Variants in DSCAM observed in about 807,000 individuals in gnomAD.
DSCAM encodes cell adhesion molecule DSCAM.
Under a neutral mutation model 217.7 loss-of-function variants are expected in DSCAM, and 47 were observed. That is an observed-to-expected ratio of 0.22 (90% CI 0.17 to 0.28). DSCAM has a LOEUF of 0.28. Among genes scored for constraint, DSCAM ranks in the 10% least tolerant of loss-of-function variants. DSCAM has a pLI of 1.00. For synonymous variants in DSCAM, 1,056 were observed against 1,015.3 expected, an observed-to-expected ratio of 1.04 and a Z score of -0.76; for missense variants, 2,080 against 2,618.3, an observed-to-expected ratio of 0.79 and a Z score of 4.49.
rs998474686 is a variant in DSCAM at position 40,665,004 on chromosome 21, G to A, written c.508+27806C>T. On this transcript the variant is annotated intron_variant, in intron 3 of 32. Transcript: ENST00000400454. ...TCTCCCTCTTGTTCCTGCTTTCCCC[G>A]TGTGGTGTGCGTGCTCCTGCTTCAC... is the stretch of plus-strand genomic sequence containing the variant. Among the ~76,000 whole-genome samples, 10 of 152,116 alleles carry A rather than the reference G, an allele frequency of 6.6e-5. No individual in the cohort carries two copies. The South Asian group carries it at 1.2e-3, about 19-fold the overall frequency.
rs567026577 is a variant in DSCAM, at chr21:40,409,032, T to C, written c.509-39787A>G. Among the ~76,000 whole-genome samples, 11 of 152,314 alleles carry C rather than the reference T, an allele frequency of 7.2e-5. 1 individual carries two copies. The highest frequency in any genetic ancestry group is 2.4e-4 in the African/African-American group (10 of 41,568). ...ATATTTATTTGGATAACAATTATAG[T>C]TCAATATTAATGCTTACAAAGAAAG... On this transcript the variant is annotated intron_variant, in intron 3 of 32. Transcript: ENST00000400454.
At chr21:40,247,150 C>T (rs1035022508) in intron 11 of DSCAM, among the ~76,000 whole-genome samples, 16 of 152,126 alleles carry the variant, frequency 1.1e-4, no homozygotes, top group Admixed American at 2.0e-4. Flanking sequence ...AAGACCCTCC[C>T]ACAACACATG....
intron 3 of DSCAM, among the ~76,000 whole-genome samples, chr21:40,460,509 C>A (rs1444534078): frequency 6.6e-6 from 1 of 151,958 alleles, no homozygotes; most frequent in African/African-American, 2.4e-5. Context: ...TAATTATTTA[C>A]AGCAAAAGCA....
chr21:40,795,474 C>T (rs2091683715), intron 1 of DSCAM, among the ~76,000 whole-genome samples: 1 of 152,144 alleles, frequency 6.6e-6, no homozygotes, highest in Non-Finnish European at 1.5e-5. Context: ...GGCTGGATTT[C>T]ACCTTTGCAC....
chr21:40,780,421 GTGTATATA>G (rs1159165091), intron 1 of DSCAM, among the ~76,000 whole-genome samples: 6 of 48,044 alleles, frequency 1.2e-4, no homozygotes, highest in Admixed American at 6.9e-4. Flanking sequence ...GTGTGTGTGT[GTGTATATA>G]TATATATATA....
intron 14 of DSCAM, among the ~76,000 whole-genome samples, chr21:40,186,704 A>AC (rs1601421695): frequency 6.6e-6 from 1 of 152,262 alleles, no homozygotes; most frequent in East Asian, 1.9e-4. Flanking sequence ...TCCGACCAAC[A>AC]CCAAGCACAG....
At chr21:40,808,066 G>A (rs754671182) in intron 1 of DSCAM, among the ~76,000 whole-genome samples, 8 of 152,218 alleles carry the variant, frequency 5.3e-5, no homozygotes, top group African/African-American at 9.6e-5. Flanking sequence ...AACCAAAGAC[G>A]CCTCCTCCCC....
intron 14 of DSCAM, among the ~76,000 whole-genome samples, chr21:40,181,441 T>C (rs1354296760): frequency 6.6e-6 from 1 of 152,168 alleles, no homozygotes; most frequent in Non-Finnish European, 1.5e-5. Flanking sequence ...TTCCGATGTA[T>C]AGTTTGGACA....
chr21:40,126,205 T>G (rs2090091713), intron 19 of DSCAM, among the ~76,000 whole-genome samples: 1 of 106,636 alleles, frequency 9.4e-6, no homozygotes, highest in African/African-American at 3.7e-5. Context: ...GAGAAAGAAA[T>G]GAAGGAGGGA....
At chr21:40,662,148 A>T (rs2090145395) in intron 3 of DSCAM, among the ~76,000 whole-genome samples, 1 of 151,706 alleles carries the variant, frequency 6.6e-6, no homozygotes. Flanking sequence ...ACAAACAAAA[A>T]CACAACACTG....
chr21:40,393,701 C>CAT (rs2075154271), intron 3 of DSCAM, among the ~76,000 whole-genome samples: 1 of 152,042 alleles, frequency 6.6e-6, no homozygotes, highest in African/African-American at 2.4e-5. Context: ...CTTTTTTCTA[C>CAT]ATATATATAG....
intron 23 of DSCAM, 118 bp from the exon 24 acceptor site, chr21:40,084,124 G>A: frequency 2.8e-6 from 2 of 723,710 alleles, no homozygotes; most frequent in African/African-American, 1.8e-5. Flanking sequence ...GTTTCAGTTT[G>A]CCAAAATATA....
At chr21:40,383,354 A>C (rs2123735465) in intron 3 of DSCAM, 1 of 152,500 alleles carries the variant, frequency 6.6e-6, no homozygotes, top group South Asian at 2.1e-4. Flanking sequence ...AGAAAAGAAA[A>C]GAAAAGAAAA....
intron 1 of DSCAM, among the ~76,000 whole-genome samples, chr21:40,747,298 A>AAC (rs1491231137): frequency 6.7e-6 from 1 of 150,154 alleles, no homozygotes; most frequent in Non-Finnish European, 1.5e-5. Flanking sequence ...ATAAAAAAAA[A>AAC]ACAACAAACC....
At chr21:40,620,765 TAC>T (rs2146298901) in intron 3 of DSCAM, among the ~76,000 whole-genome samples, 1 of 152,338 alleles carries the variant, frequency 6.6e-6, no homozygotes, top group South Asian at 2.1e-4. Context: ...TCAGAAACAC[TAC>T]ACTGTGTTCA....
intron 21 of DSCAM, among the ~76,000 whole-genome samples, chr21:40,088,202 CAGG>C (rs2089557937): frequency 6.6e-6 from 1 of 152,182 alleles, no homozygotes; most frequent in Non-Finnish European, 1.5e-5. Context: ...GGTGCCCCTA[CAGG>C]AGCTCACCCT....
At chr21:40,509,895 C>G (rs939785238) in intron 3 of DSCAM, among the ~76,000 whole-genome samples, 13 of 152,126 alleles carry the variant, frequency 8.5e-5, no homozygotes, top group African/African-American at 2.9e-4. Context: ...GAGGCCGAGG[C>G]AGGCGGATCA....
intron 3 of DSCAM, among the ~76,000 whole-genome samples, chr21:40,492,919 A>G (rs2076087807): frequency 6.6e-6 from 1 of 152,158 alleles, no homozygotes; most frequent in African/African-American, 2.4e-5. Context: ...GCAAGACTAC[A>G]CCAAGACATG....
At chr21:40,777,583 G>T (rs953832603) in intron 1 of DSCAM, among the ~76,000 whole-genome samples, 2 of 152,074 alleles carry the variant, frequency 1.3e-5, no homozygotes, top group Admixed American at 6.6e-5. Flanking sequence ...TCATCATTAA[G>T]AATTCCAGGA....
Sources: allele counts gnomAD v4.1 joint callset (sites outside exome capture counted in the v4.1 genomes callset), GRCh38; gene constraint gnomAD v4.1.1; transcripts MANE v1.5; gene names NCBI Gene and HGNC (gene_info 2026-07-23, HGNC 2026-07-21).